The following KCTD8 variants were observed in gnomAD, a reference collection of about 807,000 sequenced individuals.
The protein encoded by KCTD8 is BTB/POZ domain-containing protein KCTD8.
Under a neutral mutation model 31.5 loss-of-function variants are expected in KCTD8, and 27 were observed. The observed-to-expected ratio is 0.86, with a 90% CI of 0.63 to 1.18. KCTD8 has a LOEUF of 1.18. Among genes scored for constraint, KCTD8 ranks in the 50% most tolerant of loss-of-function variants. The pLI is 0.00. For synonymous variants in KCTD8, 290 were observed against 280.0 expected, an observed-to-expected ratio of 1.04 and a Z score of -0.36; for missense variants, 658 against 647.7, an observed-to-expected ratio of 1.02 and a Z score of -0.17.
chr4:44,210,583 TA>T (rs1399365758), intron 1 of KCTD8, among the ~76,000 whole-genome samples: 1 of 152,166 alleles, frequency 6.6e-6, no homozygotes, highest in South Asian at 2.1e-4. Flanking sequence ...ATTTTTTTAC[TA>T]AAAACTCCCA....
intron 1 of KCTD8, among the ~76,000 whole-genome samples, chr4:44,335,119 A>C (rs1718690844): frequency 6.6e-6 from 1 of 152,152 alleles, no homozygotes; most frequent in Non-Finnish European, 1.5e-5. Context: ...ATGAAAAGTT[A>C]CATATAACAG....
At chr4:44,205,441 C>T (rs919552142) in intron 1 of KCTD8, among the ~76,000 whole-genome samples, 4 of 152,146 alleles carry the variant, frequency 2.6e-5, no homozygotes, top group Non-Finnish European at 5.9e-5. Context: ...ATTTATATTT[C>T]TACCTCACAT....
chr4:44,434,430 G>A (rs532617345), intron 1 of KCTD8, among the ~76,000 whole-genome samples: 2 of 151,984 alleles, frequency 1.3e-5, no homozygotes, highest in African/African-American at 4.8e-5. Context: ...AAAGTACAGA[G>A]TAAATAAATG....
chr4:44,244,050 C>G (rs1327278357), intron 1 of KCTD8, among the ~76,000 whole-genome samples: 1 of 152,148 alleles, frequency 6.6e-6, no homozygotes, highest in Non-Finnish European at 1.5e-5. Context: ...AGATAAAATA[C>G]AAAATGTCCA....
rs186896291 is a variant in KCTD8 at position 44,415,258 on chromosome 4, G to A, written c.961+32305C>T. ...GGCATGGCTTCTTCTAACAACCTGCGATCAGATATGAGAACAAAGAAATGA... is the reference window on the plus strand; with the variant it reads ...GGCATGGCTTCTTCTAACAACCTGCAATCAGATATGAGAACAAAGAAATGA... On this transcript the variant is annotated intron_variant, in intron 1 of 1. Coordinates refer to ENST00000360029, the MANE Select transcript of KCTD8 (RefSeq NM_198353.3). Among the ~76,000 whole-genome samples, 240 of 152,226 alleles carry A rather than the reference G, an allele frequency of 1.6e-3. 1 individual carries two copies. The highest frequency in any genetic ancestry group is 5.5e-3 in the African/African-American group (227 of 41,526).
chr4:44,445,609 C>A (rs1277501429), intron 1 of KCTD8, among the ~76,000 whole-genome samples: 2 of 152,092 alleles, frequency 1.3e-5, no homozygotes, highest in South Asian at 4.1e-4. Flanking sequence ...CCTGTATTAT[C>A]TCTTCATAAT....
chr4:44,314,574 T>C (rs1759657141), intron 1 of KCTD8, among the ~76,000 whole-genome samples: 1 of 152,110 alleles, frequency 6.6e-6, no homozygotes, highest in Non-Finnish European at 1.5e-5. Flanking sequence ...CCTGACACAA[T>C]CTAAATCACA....
At chr4:44,206,023 T>C (rs1260733849) in intron 1 of KCTD8, among the ~76,000 whole-genome samples, 1 of 152,032 alleles carries the variant, frequency 6.6e-6, no homozygotes, top group Non-Finnish European at 1.5e-5. Context: ...AATCTAATAA[T>C]GAGGGTCCCT....
At chr4:44,411,116 C>T (rs1720943290) in intron 1 of KCTD8, among the ~76,000 whole-genome samples, 1 of 152,074 alleles carries the variant, frequency 6.6e-6, no homozygotes, top group African/African-American at 2.4e-5. Flanking sequence ...TTTGATGACA[C>T]TCCATTTTTC....
chr4:44,246,249 A>C (rs1715661064), intron 1 of KCTD8, among the ~76,000 whole-genome samples: 1 of 152,052 alleles, frequency 6.6e-6, no homozygotes, highest in African/African-American at 2.4e-5. Context: ...CTGCCAAATG[A>C]CTATCTCCTA....
chr4:44,300,860 T>G, intron 1 of KCTD8, among the ~76,000 whole-genome samples: 1 of 148,000 alleles, frequency 6.8e-6, no homozygotes, highest in South Asian at 2.2e-4. Flanking sequence ...AAGCTATCCC[T>G]CTCCCCTCCC....
At chr4:44,188,460 A>T (rs781301929) in intron 1 of KCTD8, among the ~76,000 whole-genome samples, 15 of 152,190 alleles carry the variant, frequency 9.9e-5, no homozygotes, top group Non-Finnish European at 2.1e-4. Flanking sequence ...TCTAAAAAGG[A>T]ATAGAAATAC....
At chr4:44,335,943 G>C (rs1221027168) in intron 1 of KCTD8, among the ~76,000 whole-genome samples, 1 of 151,556 alleles carries the variant, frequency 6.6e-6, no homozygotes, top group African/African-American at 2.4e-5. Context: ...GAGGTCAGGA[G>C]ATTGAGACCA....
chr4:44,217,361 C>T (rs151068695), intron 1 of KCTD8, among the ~76,000 whole-genome samples: 6 of 152,184 alleles, frequency 3.9e-5, no homozygotes, highest in African/African-American at 1.4e-4. Flanking sequence ...AGTGTGGAGA[C>T]TGTCAAAGTG....
chr4:44,226,665 A>G (rs985331479), intron 1 of KCTD8, among the ~76,000 whole-genome samples: 2 of 152,154 alleles, frequency 1.3e-5, no homozygotes, highest in Non-Finnish European at 2.9e-5. Context: ...CAACAGTGTA[A>G]AAGTGTTCCT....
At chr4:44,273,872 T>C (rs1212964065) in intron 1 of KCTD8, among the ~76,000 whole-genome samples, 1 of 151,942 alleles carries the variant, frequency 6.6e-6, no homozygotes, top group African/African-American at 2.4e-5. Flanking sequence ...AGTTGGATTG[T>C]CATAGTTAGG....
intron 1 of KCTD8, among the ~76,000 whole-genome samples, chr4:44,419,923 C>T (rs1390706001): frequency 2.0e-5 from 3 of 151,630 alleles, no homozygotes; most frequent in Admixed American, 6.6e-5. Flanking sequence ...GAACCGGACT[C>T]CATATTGAAC....
At chr4:44,262,666 G>A (rs1577580634) in intron 1 of KCTD8, among the ~76,000 whole-genome samples, 2 of 151,922 alleles carry the variant, frequency 1.3e-5, no homozygotes, top group Non-Finnish European at 1.5e-5. Flanking sequence ...GTCTTAAGGG[G>A]AATAAAATAA....
intron 1 of KCTD8, among the ~76,000 whole-genome samples, chr4:44,437,991 T>G (rs75473718): frequency 0.02 from 3,063 of 152,180 alleles, 110 homozygotes; most frequent in African/African-American, 0.069. Context: ...CCACTCACTA[T>G]AAAGCTGCCA....
Sources: gnomAD v4.1 joint callset for allele counts (sites outside exome capture counted in the v4.1 genomes callset) on GRCh38, gnomAD v4.1.1 for gene constraint, MANE v1.5 for transcripts, NCBI Gene and HGNC (gene_info 2026-07-23, HGNC 2026-07-21) for gene names.